The following ELMO1 variants were observed in gnomAD, a reference collection of about 807,000 sequenced individuals.
ELMO1 encodes engulfment and cell motility protein 1.
In ELMO1, 26 loss-of-function variants were observed where a neutral mutation model predicts 98.9. That is an observed-to-expected ratio of 0.26 (90% CI 0.19 to 0.36). ELMO1 has a LOEUF of 0.36. Among genes scored for constraint, ELMO1 ranks in the 10% least tolerant of loss-of-function variants. ELMO1 has a pLI of 1.00. For missense variants in ELMO1, 627 were observed against 935.2 expected, an observed-to-expected ratio of 0.67 and a Z score of 4.30; for synonymous variants, 346 against 346.0, an observed-to-expected ratio of 1.00 and a Z score of 0.00.
intron 16 of ELMO1, among the ~76,000 whole-genome samples, chr7:37,004,780 C>G (rs1212086083): frequency 2.0e-5 from 3 of 152,104 alleles, no homozygotes; most frequent in African/African-American, 7.2e-5. Flanking sequence ...AGCAGTCAAC[C>G]TTTAAACAGG....
intron 1 of ELMO1, among the ~76,000 whole-genome samples, chr7:37,424,152 GTCT>G (rs1202011884): frequency 2.6e-5 from 4 of 152,156 alleles, no homozygotes; most frequent in South Asian, 4.1e-4. Flanking sequence ...GAGCAAAATG[GTCT>G]TCATCAGCCA....
chr7:37,043,418 A>G (rs1299431711), intron 15 of ELMO1, among the ~76,000 whole-genome samples: 1 of 152,204 alleles, frequency 6.6e-6, no homozygotes, highest in Non-Finnish European at 1.5e-5. Context: ...AAAGCAGAGG[A>G]GTGGCTGCCA....
At chr7:37,385,415 A>G (rs1027856462) in intron 1 of ELMO1, among the ~76,000 whole-genome samples, 5 of 151,828 alleles carry the variant, frequency 3.3e-5, no homozygotes, top group Non-Finnish European at 7.4e-5. Context: ...TGCCCACAAC[A>G]TTTCCCGAAC....
intron 16 of ELMO1, among the ~76,000 whole-genome samples, chr7:36,930,389 A>G (rs1171697218): frequency 6.6e-6 from 1 of 152,242 alleles, no homozygotes; most frequent in Non-Finnish European, 1.5e-5. Flanking sequence ...TAAGATAAAA[A>G]GAGTAGAAAG....
At chr7:37,227,132 T>G (rs1584839127) in intron 8 of ELMO1, among the ~76,000 whole-genome samples, 1 of 152,236 alleles carries the variant, frequency 6.6e-6, no homozygotes, top group East Asian at 1.9e-4. Context: ...TATTTCCAGC[T>G]GCCTATTTTA....
intron 16 of ELMO1, among the ~76,000 whole-genome samples, chr7:36,943,749 A>G (rs1787246601): frequency 6.6e-6 from 1 of 152,226 alleles, no homozygotes; most frequent in Admixed American, 6.5e-5. Context: ...TTTGTTTTCA[A>G]TTGCAGAACA....
chr7:36,923,150 A>G (rs1785278167), intron 16 of ELMO1, among the ~76,000 whole-genome samples: 1 of 152,230 alleles, frequency 6.6e-6, no homozygotes, highest in Admixed American at 6.5e-5. Flanking sequence ...CTGGACTGTG[A>G]GGTCCTCGGT....
intron 1 of ELMO1, among the ~76,000 whole-genome samples, chr7:37,349,816 A>T (rs992278282): frequency 7.2e-5 from 11 of 152,234 alleles, no homozygotes; most frequent in African/African-American, 2.6e-4. Context: ...GGGCCACCGA[A>T]ATAGGCTTTG....
At position 37,342,489 on chromosome 7, in the gene ELMO1, T is replaced by C; in HGVS notation, c.78+124A>G. On this transcript the variant is annotated intron_variant, in intron 2 of 21. Coordinates refer to ENST00000310758, the MANE Select transcript of ELMO1 (RefSeq NM_014800.11). The surrounding 1 kb of genome is among the most constrained non-coding windows in gnomAD (Gnocchi z 4.3). ...GAAATCAAGCACATTGCAACTATTA[T>C]TGCACAGATTTTTCAACACAGCTAG... The C allele has an allele frequency of 1.0e-6, 1 of 981,630 alleles. No homozygotes were observed. Among genetic ancestry groups the C allele is most frequent in the Non-Finnish European group, 1.6e-6 (1 of 616,370 alleles). 60.8% of individuals were successfully genotyped at this position (981,630 alleles called of 1,614,324 possible). A position where few individuals can be genotyped will look rare whatever the true frequency, so the allele number is the denominator to read the frequency against.
At chr7:36,879,917 G>A (rs1006776958) in intron 18 of ELMO1, among the ~76,000 whole-genome samples, 1 of 152,164 alleles carries the variant, frequency 6.6e-6, no homozygotes, top group Non-Finnish European at 1.5e-5. Flanking sequence ...TGTACTTATG[G>A]GTTTTTCATG....
At chr7:37,026,916 A>T (rs545909356) in intron 15 of ELMO1, among the ~76,000 whole-genome samples, 94 of 152,204 alleles carry the variant, frequency 6.2e-4, no homozygotes, top group African/African-American at 2.2e-3. Flanking sequence ...GAAACACATG[A>T]CTGCACTCCC....
chr7:37,105,590 T>TC (rs1784899861), intron 14 of ELMO1, among the ~76,000 whole-genome samples: 1 of 152,236 alleles, frequency 6.6e-6, no homozygotes, highest in Non-Finnish European at 1.5e-5. Flanking sequence ...TACTCACGAA[T>TC]CTGCCTTTCT....
chr7:37,007,422 C>T (rs1472113137), intron 16 of ELMO1, among the ~76,000 whole-genome samples: 1 of 152,208 alleles, frequency 6.6e-6, no homozygotes, highest in Non-Finnish European at 1.5e-5. Flanking sequence ...CATGGATGCA[C>T]AAAGCTTCCT....
intron 16 of ELMO1, among the ~76,000 whole-genome samples, chr7:36,910,242 T>C (rs541226182): frequency 6.6e-6 from 1 of 152,354 alleles, no homozygotes; most frequent in South Asian, 2.1e-4. Flanking sequence ...TCATACGCCA[T>C]ATAGTGGCAG....
At chr7:37,074,495 T>C (rs1797455226) in intron 15 of ELMO1, among the ~76,000 whole-genome samples, 2 of 152,356 alleles carry the variant, frequency 1.3e-5, no homozygotes, top group Middle Eastern at 3.4e-3. Context: ...ATAGCTGATG[T>C]CCAGTAGGTA....
At chr7:37,283,081 G>A (rs2130912451) in intron 4 of ELMO1, among the ~76,000 whole-genome samples, 1 of 152,278 alleles carries the variant, frequency 6.6e-6, no homozygotes, top group Non-Finnish European at 1.5e-5. Context: ...TAAGATCTGG[G>A]TCAAAAGGAG....
At chr7:36,962,235 G>A (rs1167913850) in intron 16 of ELMO1, among the ~76,000 whole-genome samples, 1 of 152,188 alleles carries the variant, frequency 6.6e-6, no homozygotes. Context: ...AATCACAGGG[G>A]AAGTTTAAAG....
intron 18 of ELMO1, among the ~76,000 whole-genome samples, chr7:36,881,000 C>A (rs984680305): frequency 6.6e-6 from 1 of 152,192 alleles, no homozygotes; most frequent in Non-Finnish European, 1.5e-5. Flanking sequence ...CTGGCTAATT[C>A]TCTTATCCTA....
At chr7:37,209,039 A>G (rs1431823705) in intron 13 of ELMO1, among the ~76,000 whole-genome samples, 1 of 152,178 alleles carries the variant, frequency 6.6e-6, no homozygotes, top group East Asian at 1.9e-4. Context: ...TTCTGTACTC[A>G]TGAAGCAGAA....
Sources: gnomAD v4.1 joint callset for allele counts (sites outside exome capture counted in the v4.1 genomes callset) on GRCh38, gnomAD v4.1.1 for gene constraint, Gnocchi (gnomAD v3.1) non-coding constraint, MANE v1.5 for transcripts, NCBI Gene and HGNC (gene_info 2026-07-23, HGNC 2026-07-21) for gene names.